NCAM2: variants seen among roughly 807,000 people sequenced by gnomAD.
NCAM2 encodes N-CAM-2.
Under a neutral mutation model 98.1 loss-of-function variants are expected in NCAM2, and 30 were observed. That is an observed-to-expected ratio of 0.31 (90% confidence interval 0.23 to 0.41). The LOEUF (loss-of-function observed/expected upper bound fraction) is 0.41, where lower values mean the gene tolerates loss of function less well. Ranked by LOEUF, NCAM2 falls within the 10% of genes least tolerant of loss-of-function variation. The probability of loss-of-function intolerance (pLI) is 1.00; values close to 1 mark genes in which losing one functional copy is unlikely to be tolerated. For synonymous variants in NCAM2, 368 were observed against 342.4 expected (o/e 1.07, Z -0.83); for missense variants, 867 against 1,005.8 (o/e 0.86, Z 1.87).
At chr21:21,533,648 GTT>G (rs71734481) in intron 16 of NCAM2, among the ~76,000 whole-genome samples, 325 of 137,866 alleles carry the variant, frequency 2.4e-3, no homozygotes, top group South Asian at 0.012. Context: ...CCCTTCTTTA[GTT>G]TTTTTTTTTT....
At chr21:21,283,312 A>C (rs906862524) in intron 2 of NCAM2, among the ~76,000 whole-genome samples, 1 of 151,958 alleles carries the variant, frequency 6.6e-6, no homozygotes, top group African/African-American at 2.4e-5. Flanking sequence ...GCATTTCCAC[A>C]TCGATACTTT....
At chr21:21,158,100 G>A (rs573164140) in intron 1 of NCAM2, among the ~76,000 whole-genome samples, 1 of 152,038 alleles carries the variant, frequency 6.6e-6, no homozygotes, top group Admixed American at 6.6e-5. Context: ...ACTGCAGAAG[G>A]CATACGTATA....
At chr21:21,188,748 T>C (rs2068721402) in intron 1 of NCAM2, among the ~76,000 whole-genome samples, 1 of 152,234 alleles carries the variant, frequency 6.6e-6, no homozygotes, top group African/African-American at 2.4e-5. Flanking sequence ...TTACATCATA[T>C]GCATCTTGTG....
At chr21:21,404,724 A>G (rs930420810) in intron 9 of NCAM2, among the ~76,000 whole-genome samples, 3 of 151,802 alleles carry the variant, frequency 2.0e-5, no homozygotes, top group Non-Finnish European at 4.4e-5. Flanking sequence ...CATTAAATGT[A>G]TATTTGTATA....
At chr21:21,324,244 G>C in intron 5 of NCAM2, 139 bp from the exon 6 acceptor site, 3 of 588,178 alleles carry the variant, frequency 5.1e-6, no homozygotes, top group Non-Finnish European at 8.9e-6. Flanking sequence ...ATTTTACTGT[G>C]AAACCAAATC....
chr21:21,293,538 G>T (rs8130534), intron 5 of NCAM2, among the ~76,000 whole-genome samples: 1,925 of 151,816 alleles, frequency 0.013, 43 homozygotes, highest in African/African-American at 0.044. Context: ...TTTTTCAATG[G>T]TCTTTCTAGA....
chr21:21,464,675 T>A (rs1389345565), intron 12 of NCAM2, among the ~76,000 whole-genome samples: 1 of 152,184 alleles, frequency 6.6e-6, no homozygotes, highest in African/African-American at 2.4e-5. Context: ...TCCAATTTAC[T>A]AGCATTTTAG....
At chr21:21,001,761 C>T (rs549578530) in intron 1 of NCAM2, among the ~76,000 whole-genome samples, 1 of 152,292 alleles carries the variant, frequency 6.6e-6, no homozygotes, top group African/African-American at 2.4e-5. Flanking sequence ...GCAGTTCAAA[C>T]GTACCACTTA....
chr21:21,413,005 A>G (rs893902973), intron 10 of NCAM2, among the ~76,000 whole-genome samples: 7 of 152,170 alleles, frequency 4.6e-5, no homozygotes, highest in African/African-American at 1.7e-4. Flanking sequence ...GAATTGTTTT[A>G]AAGATTTTTT....
intron 1 of NCAM2, among the ~76,000 whole-genome samples, chr21:21,052,702 A>G (rs954289200): frequency 6.6e-6 from 1 of 152,176 alleles, no homozygotes; most frequent in African/African-American, 2.4e-5. Context: ...CCTACCAAGC[A>G]AACAAAGTTT....
chr21:21,288,240 T>C (rs2073171890), intron 4 of NCAM2, among the ~76,000 whole-genome samples: 1 of 151,838 alleles, frequency 6.6e-6, no homozygotes, highest in Admixed American at 6.6e-5. Flanking sequence ...TCATCAGCAG[T>C]TGTTTGAATC....
intron 1 of NCAM2, among the ~76,000 whole-genome samples, chr21:21,073,336 A>G (rs920865019): frequency 1.3e-5 from 2 of 152,182 alleles, no homozygotes; most frequent in Admixed American, 6.5e-5. Flanking sequence ...ATTAAGTTTT[A>G]TAGTTTATAG....
chr21:21,064,233 G>A (rs182625726), intron 1 of NCAM2, among the ~76,000 whole-genome samples: 2 of 152,262 alleles, frequency 1.3e-5, no homozygotes. Flanking sequence ...TAAGAATTGT[G>A]ACTTCAATCC....
At position 21,542,325 on chromosome 21, in the gene NCAM2, A is replaced by C. The variant is rs1182302725; in HGVS notation, c.*4368A>C. 6.6e-6 allele frequency: 1 copy of C among 151,528 alleles called. No homozygotes were observed. Among genetic ancestry groups the C allele is most frequent in the African/African-American group, 2.4e-5 (1 of 41,316 alleles). The allele number at this position is 151,528 out of a possible 1,614,324, so 9.4% of individuals were successfully genotyped here. ...TTCTCATATAAAGGCAAAGAATTTT[A>C]TATTATATATAATGCTAAATATTTA... On this transcript the variant is annotated 3_prime_UTR_variant, in exon 18 of 18. Coordinates refer to ENST00000400546, the MANE Select transcript of NCAM2 (RefSeq NM_004540.5).
chr21:21,241,846 A>G (rs1457667033), intron 1 of NCAM2, among the ~76,000 whole-genome samples: 1 of 152,176 alleles, frequency 6.6e-6, no homozygotes. Flanking sequence ...AAAAACTGTC[A>G]TTATTTGGTT....
rs147295072 is a variant in NCAM2 at position 21,535,677 on chromosome 21, T to G, written c.2402+1021T>G. On this transcript the variant is annotated intron_variant, in intron 17 of 17. Coordinates refer to ENST00000400546, the MANE Select transcript of NCAM2 (RefSeq NM_004540.5). ...AGATTATTACAATGTAAATTCAAAT[T>G]AACTGTATTAGATGTGGGTTCTACA... 2.5e-3 allele frequency among the ~76,000 whole-genome samples: 380 copies of G among 152,222 alleles called. 2 individuals are homozygous for G. Among genetic ancestry groups the G allele is most frequent in the African/African-American group, 8.7e-3 (360 of 41,556 alleles).
rs78444479 is a variant in NCAM2 at position 21,327,065 on chromosome 21, A to G, written c.737+2565A>G. ...TACCACCCACTGGGTAGTTCACACA[A>G]TAGGAATTCCTTGATCTCTTGACTT... On this transcript the variant is annotated intron_variant, in intron 6 of 17. Coordinates refer to ENST00000400546, the MANE Select transcript of NCAM2 (RefSeq NM_004540.5). Among the ~76,000 whole-genome samples the G allele has an allele frequency of 1.2e-3, 189 of 152,238 alleles. 1 individual carries two copies. The East Asian group carries it at 0.033, about 27-fold the overall frequency.
chr21:21,472,967 TACACAC>T (rs3039039), intron 14 of NCAM2, among the ~76,000 whole-genome samples: 22 of 142,272 alleles, frequency 1.5e-4, no homozygotes, highest in African/African-American at 1.8e-4. Context: ...TACATATATG[TACACAC>T]ACACACACAC....
intron 12 of NCAM2, among the ~76,000 whole-genome samples, chr21:21,462,307 A>G (rs1203888673): frequency 1.3e-5 from 2 of 152,088 alleles, no homozygotes; most frequent in African/African-American, 4.8e-5. Context: ...AACCCCATGA[A>G]GAGAGCCAGG....
Sources: gnomAD v4.1 joint callset for allele counts (sites outside exome capture counted in the v4.1 genomes callset) on GRCh38, gnomAD v4.1.1 for gene constraint, MANE v1.5 for transcripts, NCBI Gene and HGNC (gene_info 2026-07-23, HGNC 2026-07-21) for gene names.